CEP162: variants seen among roughly 807,000 people sequenced by gnomAD.
CEP162 encodes the protein centrosomal protein of 162 kDa.
In CEP162, 141 loss-of-function variants were observed where a neutral mutation model predicts 169.2. That is an observed-to-expected ratio of 0.83 (90% CI 0.73 to 0.96). The LOEUF (loss-of-function observed/expected upper bound fraction) is 0.96, where lower values mean the gene tolerates loss of function less well. CEP162 is among the 40% of genes least tolerant of loss of function. CEP162 has a pLI of 0.00. For missense variants in CEP162, 1,600 were observed against 1,587.2 expected, an observed-to-expected ratio of 1.01 and a Z score of -0.14; for synonymous variants, 540 against 526.4, an observed-to-expected ratio of 1.03 and a Z score of -0.35.
chr6:84,175,468 T>A, intron 13 of CEP162, 121 bp from the exon 14 acceptor site: 3 of 665,126 alleles, frequency 4.5e-6, no homozygotes. Context: ...CAGAATAGGC[T>A]GATGGACTAC....
In CEP162 at chr6:84,190,409, C is replaced by A. The variant is rs57038987; in HGVS notation, c.1109+3200G>T. On this transcript the variant is annotated intron_variant, in intron 11 of 26. Transcript: ENST00000403245. Reference sequence around the variant, plus strand: ...CCCGAGCCAGCATTGGCAACCTGCTCGGGTCCCCTTCCACACTGTGGAAGC... The same window carrying A: ...CCCGAGCCAGCATTGGCAACCTGCTAGGGTCCCCTTCCACACTGTGGAAGC... 9.2e-5 allele frequency among the ~76,000 whole-genome samples: 14 copies of A among 152,120 alleles called. No individual in the cohort carries two copies. The East Asian group carries it at 1.7e-3, about 19-fold the overall frequency.
At chr6:84,159,650 T>C (rs564148563) in intron 21 of CEP162, among the ~76,000 whole-genome samples, 41 of 139,718 alleles carry the variant, frequency 2.9e-4, no homozygotes, top group Non-Finnish European at 4.6e-4. Flanking sequence ...TTCCAACTTC[T>C]ACCTCCCAGG....
intron 6 of CEP162, among the ~76,000 whole-genome samples, chr6:84,205,249 A>G (rs2099546365): frequency 6.6e-6 from 1 of 152,224 alleles, no homozygotes; most frequent in African/African-American, 2.4e-5. Flanking sequence ...CCTGATACCA[A>G]AGCCTGGCAG....
In CEP162 at chr6:84,163,109, T is replaced by C. The variant is rs193038573; in HGVS notation, c.2512+35A>G. 3.1e-6 allele frequency: 5 copies of C among 1,603,780 alleles called. No individual in the cohort carries two copies. In the East Asian group the frequency reaches 1.1e-4, roughly 36 times the overall value. On this transcript the variant is annotated intron_variant, in intron 19 of 26. Coordinates refer to ENST00000403245, the MANE Select transcript of CEP162 (RefSeq NM_014895.4). Reference sequence around the variant, plus strand: ...AAATTCAACATTAGAACAGTTATGATTATAAAGGTACACTGTTTCAGCTCA... The same window carrying C: ...AAATTCAACATTAGAACAGTTATGACTATAAAGGTACACTGTTTCAGCTCA...
At position 84,200,835 on chromosome 6, in the gene CEP162, C is replaced by A. The variant is rs1300316941; in HGVS notation, c.789G>T (p.Lys263Asn). 6.2e-7 allele frequency: 1 copy of A among 1,612,076 alleles called. No individual in the cohort carries two copies. Among genetic ancestry groups the A allele is most frequent in the Non-Finnish European group, 8.5e-7 (1 of 1,178,570 alleles). The change falls in exon 9 of 27, where the codon AAG becomes AAT. Residue 263 changes from lysine (K) to asparagine (N), a missense_variant. Physicochemically the swap from Lys to Asn is moderately conservative, Grantham distance 94. Transcript: ENST00000403245. Reference sequence around the variant, plus strand: ...CAGTCATTTCTGGTAGGCACCTTGGCTTAGGTGTTATTTTATCTTGTTCAT... The same window carrying A: ...CAGTCATTTCTGGTAGGCACCTTGGATTAGGTGTTATTTTATCTTGTTCAT... Reference protein sequence around the residue: ...NLDEQDKITPKPRCLPEMTEN... With the variant: ...NLDEQDKITPNPRCLPEMTEN...
intron 13 of CEP162, among the ~76,000 whole-genome samples, chr6:84,183,949 G>A (rs563643869): frequency 1.1e-4 from 17 of 152,026 alleles, no homozygotes; most frequent in African/African-American, 1.7e-4. Context: ...ATCCTCATGC[G>A]CATCTAATGA....
intron 4 of CEP162, 66 bp from the exon 5 acceptor site, chr6:84,215,531 G>T: frequency 7.8e-7 from 1 of 1,287,042 alleles, no homozygotes; most frequent in Non-Finnish European, 1.0e-6. Flanking sequence ...TTTGAATGAT[G>T]CATTTATTGA....
At chr6:84,205,215 C>T (rs980623833) in intron 6 of CEP162, among the ~76,000 whole-genome samples, 2 of 152,226 alleles carry the variant, frequency 1.3e-5, no homozygotes, top group African/African-American at 4.8e-5. Context: ...TCCTCCCTAA[C>T]TCATTTTATG....
At chr6:84,162,370 T>G (rs2129210000) in intron 19 of CEP162, among the ~76,000 whole-genome samples, 1 of 152,310 alleles carries the variant, frequency 6.6e-6, no homozygotes, top group East Asian at 1.9e-4. Flanking sequence ...ATTATTGTTG[T>G]TACTCTATAT....
chr6:84,208,239 T>G (rs2099548069), intron 6 of CEP162, among the ~76,000 whole-genome samples: 2 of 152,230 alleles, frequency 1.3e-5, no homozygotes, highest in Non-Finnish European at 2.9e-5. Flanking sequence ...GCATTCAGTC[T>G]ACTTATGGGG....
Position 84,195,199 on chromosome 6 carries a change from T to C in CEP162, c.836-124A>G, listed in dbSNP as rs2099541601. The C allele has an allele frequency of 3.9e-6, 3 of 775,196 alleles. No individual in the cohort carries two copies. The Admixed American group carries it at 9.9e-5, about 26-fold the overall frequency. 48.0% of individuals were successfully genotyped at this position (775,196 alleles called of 1,614,324 possible). On this transcript the variant is annotated intron_variant, in intron 9 of 26. Coordinates refer to ENST00000403245, the MANE Select transcript of CEP162 (RefSeq NM_014895.4). ...GTAGAGTTAAGTACTAACTAGGTAA[T>C]TTGCAGCTATGGCCTACCAGCATGG...
At chr6:84,140,938 A>G (rs2099516330) in intron 25 of CEP162, among the ~76,000 whole-genome samples, 1 of 152,114 alleles carries the variant, frequency 6.6e-6, no homozygotes, top group African/African-American at 2.4e-5. Context: ...AAGAGGGAGG[A>G]TGGTTTTGGG....
At chr6:84,181,228 C>A (rs956544114) in intron 13 of CEP162, among the ~76,000 whole-genome samples, 1 of 152,050 alleles carries the variant, frequency 6.6e-6, no homozygotes, top group Admixed American at 6.5e-5. Flanking sequence ...CTTTGACAAA[C>A]CTGACAAAAA....
chr6:84,198,472 G>T (rs1163412350), intron 9 of CEP162, among the ~76,000 whole-genome samples: 1 of 152,038 alleles, frequency 6.6e-6, no homozygotes, highest in Non-Finnish European at 1.5e-5. Flanking sequence ...TAGAGACTAG[G>T]TTTCACCATG....
chr6:84,199,633 A>G (rs532665837), intron 9 of CEP162, among the ~76,000 whole-genome samples: 1 of 152,062 alleles, frequency 6.6e-6, no homozygotes, highest in Non-Finnish European at 1.5e-5. Flanking sequence ...GATTTCTATT[A>G]CTCTTTTTTA....
intron 18 of CEP162, among the ~76,000 whole-genome samples, chr6:84,163,590 C>T (rs1433821001): frequency 6.6e-6 from 1 of 151,702 alleles, no homozygotes; most frequent in Non-Finnish European, 1.5e-5. Flanking sequence ...TAGTATGCCT[C>T]TTCTACCTCT....
chr6:84,210,466 C>T (rs2099548999), intron 6 of CEP162, among the ~76,000 whole-genome samples: 1 of 152,112 alleles, frequency 6.6e-6, no homozygotes, highest in Non-Finnish European at 1.5e-5. Context: ...CCTAAGAAAA[C>T]AAGTGAGCTA....
chr6:84,207,398 T>A (rs954047299), intron 6 of CEP162, among the ~76,000 whole-genome samples: 4 of 151,774 alleles, frequency 2.6e-5, no homozygotes, highest in Non-Finnish European at 4.4e-5. Context: ...ATAAAAAGGA[T>A]GAGTTCATGT....
intron 6 of CEP162, among the ~76,000 whole-genome samples, chr6:84,211,000 A>G (rs1315709763): frequency 6.6e-6 from 1 of 152,232 alleles, no homozygotes; most frequent in African/African-American, 2.4e-5. Flanking sequence ...TGAATAACAT[A>G]AAATTCACAA....
Sources: gnomAD v4.1 joint callset for allele counts (sites outside exome capture counted in the v4.1 genomes callset) on GRCh38, gnomAD v4.1.1 for gene constraint, MANE v1.5 for transcripts, NCBI Gene and HGNC (gene_info 2026-07-23, HGNC 2026-07-21) for gene names.